Variants in AMPH observed in about 807,000 individuals in gnomAD.
AMPH encodes amphiphysin (Stiff-Mann syndrome with breast cancer 128kD autoantigen).
A neutral mutation model predicts 99.1 loss-of-function variants in AMPH; 49 were observed. The ratio of observed to expected loss-of-function variants is 0.49; its 90% CI spans 0.39 to 0.63. The LOEUF (loss-of-function observed/expected upper bound fraction) is 0.63. Among genes scored for constraint, AMPH ranks in the 20% least tolerant of loss-of-function variants. AMPH has a pLI of 0.00. For synonymous variants in AMPH, 314 were observed against 317.3 expected, an observed-to-expected ratio of 0.99 and a Z score of 0.11; for missense variants, 759 against 863.4, an observed-to-expected ratio of 0.88 and a Z score of 1.52.
intron 1 of AMPH, among the ~76,000 whole-genome samples, chr7:38,540,068 A>G (rs979463323): frequency 1.3e-5 from 2 of 152,216 alleles, no homozygotes; most frequent in Admixed American, 1.3e-4. Context: ...GGCACTATTG[A>G]TATTACAGGA....
intron 1 of AMPH, among the ~76,000 whole-genome samples, chr7:38,560,373 T>C (rs2129048653): frequency 6.6e-6 from 1 of 152,210 alleles, no homozygotes; most frequent in South Asian, 2.1e-4. Context: ...CCCCAGAAAC[T>C]TGCAACCTCA....
At chr7:38,393,776 G>A (rs367635210) in intron 18 of AMPH, among the ~76,000 whole-genome samples, 1 of 152,006 alleles carries the variant, frequency 6.6e-6, no homozygotes. Flanking sequence ...CCATGCTTAG[G>A]CCCAGTCAGC....
chr7:38,506,951 T>C (rs1307724180), intron 2 of AMPH, among the ~76,000 whole-genome samples: 12 of 152,188 alleles, frequency 7.9e-5, no homozygotes. Context: ...GAAGGATGTG[T>C]TCCCTCAGTT....
At chr7:38,474,273 A>G (rs1040713610) in intron 7 of AMPH, among the ~76,000 whole-genome samples, 3 of 152,132 alleles carry the variant, frequency 2.0e-5, no homozygotes, top group Non-Finnish European at 2.9e-5. Context: ...AAATAAAATG[A>G]AATAAATAAA....
rs921773950 is a variant in AMPH, at chr7:38,564,951, T to C, written c.70-29940A>G. ...CATCCTGGCTAACACGGTGAAACCC[T>C]GTCTCTACTAAAAATACAAAAAATT... On this transcript the variant is annotated intron_variant, in intron 1 of 20. Transcript: ENST00000356264. Among the ~76,000 whole-genome samples, 71 of 152,036 alleles carry C rather than the reference T, an allele frequency of 4.7e-4. 1 individual carries two copies. The highest frequency in any genetic ancestry group is 3.4e-3 in the Middle Eastern group (1 of 294).
chr7:38,398,434 C>T (rs1277815067), intron 17 of AMPH, among the ~76,000 whole-genome samples: 2 of 152,060 alleles, frequency 1.3e-5, no homozygotes, highest in East Asian at 1.9e-4. Flanking sequence ...GGGAAAAAAG[C>T]CAGGCACAGA....
chr7:38,600,390 C>A (rs1030175625), intron 1 of AMPH, among the ~76,000 whole-genome samples: 2 of 152,080 alleles, frequency 1.3e-5, no homozygotes, highest in African/African-American at 4.8e-5. Context: ...ATGGTGGAAT[C>A]CTCTTCATAT....
At chr7:38,601,558 T>C (rs1793248197) in intron 1 of AMPH, among the ~76,000 whole-genome samples, 1 of 152,230 alleles carries the variant, frequency 6.6e-6, no homozygotes, top group Admixed American at 6.5e-5. Flanking sequence ...CTATGCCTTA[T>C]TCATTTTCTT....
intron 11 of AMPH, among the ~76,000 whole-genome samples, chr7:38,453,162 G>T (rs766521608): frequency 6.6e-6 from 1 of 152,144 alleles, no homozygotes; most frequent in Non-Finnish European, 1.5e-5. Context: ...CTCCTCCCCA[G>T]ATTAGAAGAA....
chr7:38,613,848 T>C (rs1463069519), intron 1 of AMPH, among the ~76,000 whole-genome samples: 1 of 150,822 alleles, frequency 6.6e-6, no homozygotes, highest in Non-Finnish European at 1.5e-5. Context: ...AGAAGTCTCC[T>C]GCTTCCTCAT....
At chr7:38,504,786 G>A (rs558606874) in intron 2 of AMPH, among the ~76,000 whole-genome samples, 1 of 152,202 alleles carries the variant, frequency 6.6e-6, no homozygotes, top group East Asian at 1.9e-4. Flanking sequence ...TCAGTCTTGT[G>A]GGCTCAGAAA....
chr7:38,493,834 C>T (rs1788819816), intron 4 of AMPH, among the ~76,000 whole-genome samples: 1 of 152,174 alleles, frequency 6.6e-6, no homozygotes, highest in East Asian at 1.9e-4. Flanking sequence ...ACACCATGAT[C>T]CATGTCTGCT....
intron 1 of AMPH, among the ~76,000 whole-genome samples, chr7:38,589,235 A>G (rs1276374748): frequency 6.6e-6 from 1 of 152,210 alleles, no homozygotes; most frequent in Non-Finnish European, 1.5e-5. Flanking sequence ...AGAACAAGCA[A>G]TATCCTTTTC....
intron 5 of AMPH, among the ~76,000 whole-genome samples, chr7:38,480,370 C>T (rs970192200): frequency 6.6e-6 from 1 of 152,016 alleles, no homozygotes; most frequent in African/African-American, 2.4e-5. Context: ...TAGCAACTTC[C>T]TCCCTCTAAT....
At chr7:38,415,543 G>A (rs1364919129) in intron 17 of AMPH, among the ~76,000 whole-genome samples, 5 of 152,106 alleles carry the variant, frequency 3.3e-5, no homozygotes, top group Non-Finnish European at 7.4e-5. Flanking sequence ...TATTATGACC[G>A]GAAGGAAGAA....
intron 1 of AMPH, among the ~76,000 whole-genome samples, chr7:38,576,687 A>T (rs567296559): frequency 1.0e-3 from 158 of 152,276 alleles, no homozygotes; most frequent in African/African-American, 3.7e-3. Context: ...ATGTTTTTTT[A>T]AAACAGGCTA....
intron 14 of AMPH, among the ~76,000 whole-genome samples, 198 bp from the exon 15 acceptor site, chr7:38,427,184 A>G (rs1785810578): frequency 6.6e-6 from 1 of 150,990 alleles, no homozygotes; most frequent in African/African-American, 2.5e-5. Flanking sequence ...AAAAAAAAAA[A>G]GAAAGGTTAA....
chr7:38,456,789 CA>C (rs1352468992), intron 11 of AMPH, among the ~76,000 whole-genome samples: 1 of 152,204 alleles, frequency 6.6e-6, no homozygotes, highest in Non-Finnish European at 1.5e-5. Flanking sequence ...GCCCAAGAAT[CA>C]GCCTGTCTGG....
At chr7:38,462,595 G>A (rs546937235) in intron 10 of AMPH, among the ~76,000 whole-genome samples, 6 of 152,246 alleles carry the variant, frequency 3.9e-5, no homozygotes, top group East Asian at 1.9e-4. Flanking sequence ...AAACATAACC[G>A]CTTTTCTTGG....
Sources: allele counts gnomAD v4.1 joint callset (sites outside exome capture counted in the v4.1 genomes callset), GRCh38; gene constraint gnomAD v4.1.1; transcripts MANE v1.5; gene names NCBI Gene and HGNC (gene_info 2026-07-23, HGNC 2026-07-21).